The following ADGRG5 variants were observed in gnomAD, a reference collection of about 807,000 sequenced individuals.
ADGRG5 encodes the protein G protein-coupled receptor 114.
Under a neutral mutation model 53.2 loss-of-function variants are expected in ADGRG5, and 37 were observed. The observed-to-expected ratio is 0.70, with a 90% CI of 0.53 to 0.91. ADGRG5 has a LOEUF of 0.91. ADGRG5 is among the 40% of genes least tolerant of loss of function. ADGRG5 has a pLI of 0.00. For synonymous variants in ADGRG5, 277 were observed against 290.4 expected (o/e 0.95, Z 0.47); for missense variants, 614 against 675.8 (o/e 0.91, Z 1.01).
chr16:57,556,908 CT>C (rs35948606), intron 1 of ADGRG5, among the ~76,000 whole-genome samples: 3,467 of 115,724 alleles, frequency 0.03, 146 homozygotes, highest in African/African-American at 0.11. Flanking sequence ...TTGCCTTCTT[CT>C]TTTTTTTTTT....
intron 1 of ADGRG5, among the ~76,000 whole-genome samples, chr16:57,561,258 C>G (rs2032993478): frequency 6.6e-6 from 1 of 152,254 alleles, no homozygotes; most frequent in South Asian, 2.1e-4. Flanking sequence ...TTACCAGGTG[C>G]CACCTACTTG....
chr16:57,540,590 C>T (rs2032475196), upstream of ADGRG5, among the ~76,000 whole-genome samples: 1 of 152,144 alleles, frequency 6.6e-6, no homozygotes, highest in East Asian at 1.9e-4. Context: ...GCAGAGAAGC[C>T]TTCCTGGAGG....
rs200467499 is a variant in ADGRG5 at position 57,567,631 on chromosome 16, G to A, written c.821+40G>A. On this transcript the variant is annotated intron_variant, in intron 8 of 11. Transcript: ENST00000349457. ...CAGTGCTGGGCCTGCCCTGCACTGT[G>A]GCACATCACGCTTCCTTGTGTCCCA... 63 of 1,598,042 alleles carry A rather than the reference G, an allele frequency of 3.9e-5. No individual in the cohort carries two copies. The South Asian group carries it at 6.6e-4, about 17-fold the overall frequency.
chr16:57,530,084 G>A, the ADGRG5 span, among the ~76,000 whole-genome samples: 3 of 152,090 alleles, frequency 2.0e-5, no homozygotes, highest in Non-Finnish European at 2.9e-5. Context: ...ATGAACGCAC[G>A]CGCTGGGGAT....
intron 9 of ADGRG5, 40 bp downstream of exon 9, chr16:57,568,164 G>T (rs1444157885): frequency 6.2e-7 from 1 of 1,605,002 alleles, no homozygotes; most frequent in South Asian, 1.1e-5. Context: ...AGACTTCCAG[G>T]TGGGCAGGGT....
chr16:57,541,773 C>T (rs2032494572), upstream of ADGRG5, among the ~76,000 whole-genome samples: 1 of 152,110 alleles, frequency 6.6e-6, no homozygotes, highest in Non-Finnish European at 1.5e-5. Flanking sequence ...ATTACCAACA[C>T]TCTCTCTCTA....
chr16:57,563,699 A>C, intron 4 of ADGRG5, 149 bp from the exon 5 acceptor site: 1 of 952,516 alleles, frequency 1.0e-6, no homozygotes, highest in Non-Finnish European at 1.6e-6. Flanking sequence ...GGATCTTGGG[A>C]AGTTTGGGAG....
rs747707971 is a variant in ADGRG5 at position 57,563,950 on chromosome 16, A to G, written c.400A>G (p.Ile134Val). The change falls in exon 5 of 12, where the codon ATC becomes GTC. Residue 134 changes from isoleucine to valine, a missense_variant. Ile to Val is a conservative substitution (Grantham distance 29). Coordinates refer to ENST00000349457, the MANE Select transcript of ADGRG5 (RefSeq NM_001304376.3). ...TRPRELRLIC[I>V]YFSNTHFFKD... Reference sequence around the variant, plus strand: ...CCCCAGGGAGCTGCGGCTCATCTGTATCTACTTCTCCAACACCCACTTTTT... The same window carrying G: ...CCCCAGGGAGCTGCGGCTCATCTGTGTCTACTTCTCCAACACCCACTTTTT... The G allele has an allele frequency of 3.1e-6, 5 of 1,613,676 alleles. No homozygotes were observed. In the African/African-American group the frequency reaches 5.3e-5, roughly 17 times the overall value.
At chr16:57,544,554 C>T (rs1164203052) in intron 1 of ADGRG5, among the ~76,000 whole-genome samples, 3 of 152,108 alleles carry the variant, frequency 2.0e-5, no homozygotes, top group Non-Finnish European at 2.9e-5. Context: ...TCCCTCAGTG[C>T]CTGCCTGGAA....
intron 1 of ADGRG5, among the ~76,000 whole-genome samples, chr16:57,548,427 T>G (rs1480302073): frequency 6.6e-6 from 1 of 152,152 alleles, no homozygotes; most frequent in Non-Finnish European, 1.5e-5. Context: ...ACTCACTCAT[T>G]TATGTATGCC....
upstream of ADGRG5, among the ~76,000 whole-genome samples, chr16:57,542,082 A>G (rs1243205044): frequency 6.6e-6 from 1 of 152,232 alleles, no homozygotes; most frequent in African/African-American, 2.4e-5. Context: ...ACTGCCCTGC[A>G]AGATGGTACT....
intron 1 of ADGRG5, 105 bp from the exon 2 acceptor site, chr16:57,561,951 T>C (rs2033011902): frequency 1.8e-6 from 1 of 551,616 alleles, no homozygotes; most frequent in Non-Finnish European, 3.1e-6. Flanking sequence ...GCAGGAGTGG[T>C]GAGTCAAATA....
chr16:57,551,168 C>A (rs1306420578), intron 1 of ADGRG5, among the ~76,000 whole-genome samples: 1 of 152,208 alleles, frequency 6.6e-6, no homozygotes, highest in Non-Finnish European at 1.5e-5. Flanking sequence ...GAGCCTTCAA[C>A]AAATCACACG....
chr16:57,538,415 G>A (rs570103290), upstream of ADGRG5, among the ~76,000 whole-genome samples: 68 of 152,232 alleles, frequency 4.5e-4, no homozygotes, highest in African/African-American at 1.6e-3. Flanking sequence ...GACCAGCGTG[G>A]GAACATAGGG....
rs775432731 is a variant in ADGRG5, at chr16:57,567,490, C to T, written c.720C>T (p.Val240=). The change falls in exon 8 of 12, where the codon GTC becomes GTT. Residue 240 remains valine (V), a synonymous_variant. Transcript: ENST00000349457. ...TGCAGCAACTCTCCCCAGCCCTGGTCCCTGCAGAGTTGCTGGCACCTCTTA... is the reference window on the plus strand; with the variant it reads ...TGCAGCAACTCTCCCCAGCCCTGGTTCCTGCAGAGTTGCTGGCACCTCTTA... ...AVLMQLSPAL[V]PAELLAPLTY... is the part of the protein sequence containing the mutation. 7 of 1,610,000 alleles carry T rather than the reference C, an allele frequency of 4.3e-6. No homozygotes were observed. Among genetic ancestry groups the T allele is most frequent in the Non-Finnish European group, 5.9e-6 (7 of 1,179,874 alleles).
chr16:57,559,271 T>G (rs1419347390), intron 1 of ADGRG5, among the ~76,000 whole-genome samples: 2 of 152,170 alleles, frequency 1.3e-5, no homozygotes, highest in Non-Finnish European at 2.9e-5. Flanking sequence ...GCATCTTAAA[T>G]CAAAGCAAAG....
intron 10 of ADGRG5, among the ~76,000 whole-genome samples, chr16:57,573,294 C>T (rs938429168): frequency 1.3e-5 from 2 of 151,754 alleles, no homozygotes; most frequent in Non-Finnish European, 2.9e-5. Context: ...ATTAGCTGGG[C>T]GTGGTGTCAG....
chr16:57,564,225 G>A (rs1268026386), intron 5 of ADGRG5, among the ~76,000 whole-genome samples: 3 of 152,126 alleles, frequency 2.0e-5, no homozygotes, highest in East Asian at 1.9e-4. Context: ...TGTGCCTGTC[G>A]GTAGGCGGGA....
chr16:57,551,611 C>A (rs2032756314), intron 1 of ADGRG5, among the ~76,000 whole-genome samples: 1 of 152,232 alleles, frequency 6.6e-6, no homozygotes, highest in African/African-American at 2.4e-5. Flanking sequence ...AGTTCTCTTG[C>A]TATTCTAATC....
Sources: gnomAD v4.1 joint callset for allele counts (sites outside exome capture counted in the v4.1 genomes callset) on GRCh38, gnomAD v4.1.1 for gene constraint, MANE v1.5 for transcripts, NCBI Gene and HGNC (gene_info 2026-07-23, HGNC 2026-07-21) for gene names.